Variants in SERBP1 observed in about 807,000 individuals in gnomAD.
The protein encoded by SERBP1 is SERPINE1 mRNA-binding protein 1.
In SERBP1, 6 loss-of-function variants were observed where a neutral mutation model predicts 50.2. That is an observed-to-expected ratio of 0.12 (90% CI 0.07 to 0.24). The LOEUF (loss-of-function observed/expected upper bound fraction) is 0.24, where lower values mean the gene tolerates loss of function less well. Ranked by LOEUF, SERBP1 falls within the 10% of genes least tolerant of loss-of-function variation. The probability of loss-of-function intolerance (pLI) is 1.00; values close to 1 mark genes in which losing one functional copy is unlikely to be tolerated. For missense variants in SERBP1, 346 were observed against 524.9 expected, an observed-to-expected ratio of 0.66 and a Z score of 3.33; for synonymous variants, 168 against 182.8, an observed-to-expected ratio of 0.92 and a Z score of 0.65.
chr1:67,430,116 T>C lies in SERBP1; in HGVS notation c.185A>G (p.Asn62Ser), dbSNP rs751471163. The change falls in exon 1 of 8, where the codon AAC becomes AGC. Residue 62 changes from asparagine to serine, a missense_variant. This residue lies in a region of SERBP1 where 257 missense variants were observed against 331.2 expected (regional missense o/e 0.78). Coordinates refer to ENST00000361219, the MANE Select transcript of SERBP1 (RefSeq NM_001018069.2). ...CAGCTGTTTGCCTGCCGCGTTGGAGTTGGTCTGGGCCGCGGCCTGAGCTGC... is the reference window on the plus strand; with the variant it reads ...CAGCTGTTTGCCTGCCGCGTTGGAGCTGGTCTGGGCCGCGGCCTGAGCTGC... ...KSAAQAAAQT[N>S]SNAAGKQLRK... The C allele has an allele frequency of 1.1e-5, 17 of 1,612,092 alleles. No homozygotes were observed. The highest frequency in any genetic ancestry group is 1.7e-5 in the Admixed American group (1 of 60,000).
chr1:67,419,514 T>C (rs937417123), intron 6 of SERBP1, among the ~76,000 whole-genome samples: 1 of 152,198 alleles, frequency 6.6e-6, no homozygotes, highest in African/African-American at 2.4e-5. Context: ...TTAGACAAAA[T>C]GCACATTGCC....
chr1:67,415,517 A>T (rs1433561580), intron 6 of SERBP1, among the ~76,000 whole-genome samples, 178 bp from the exon 7 acceptor site: 1 of 152,220 alleles, frequency 6.6e-6, no homozygotes, highest in Admixed American at 6.5e-5. Context: ...TCCTGGAGGA[A>T]GATTTTCCTG....
intron 6 of SERBP1, among the ~76,000 whole-genome samples, chr1:67,416,000 G>C (rs930510967): frequency 2.0e-5 from 3 of 147,136 alleles, no homozygotes; most frequent in African/African-American, 7.5e-5. Context: ...CCTTAAATGT[G>C]TCACAGGAAC....
At position 67,425,354 on chromosome 1, in the gene SERBP1, A is replaced by C. The variant is rs112821654; in HGVS notation, c.465-131T>G. The C allele has an allele frequency of 1.2e-3, 987 of 822,866 alleles. 5 individuals are homozygous for C. In the African/African-American group the frequency reaches 0.015, roughly 13 times the overall value. 51.0% of individuals were successfully genotyped at this position (822,866 alleles called of 1,614,324 possible). ...AATAGTTAAATACATACACTTCAGAAAATTCAAAATAGTCTGTTTCTAAAC... is the reference window on the plus strand; with the variant it reads ...AATAGTTAAATACATACACTTCAGACAATTCAAAATAGTCTGTTTCTAAAC... On this transcript the variant is annotated intron_variant, in intron 2 of 7. Transcript: ENST00000361219.
At position 67,409,468 on chromosome 1, in the gene SERBP1, A is replaced by T. The variant is rs1297949585; in HGVS notation, c.*3739T>A. 1 of 151,386 alleles carries T rather than the reference A, an allele frequency of 6.6e-6. No individual in the cohort carries two copies. Among genetic ancestry groups the T allele is most frequent in the Non-Finnish European group, 1.5e-5 (1 of 67,994 alleles). 9.4% of individuals were successfully genotyped at this position (151,386 alleles called of 1,614,324 possible). On this transcript the variant is annotated 3_prime_UTR_variant, in exon 8 of 8. Coordinates refer to ENST00000361219, the MANE Select transcript of SERBP1 (RefSeq NM_001018069.2). ...GCTGAACTTTGCTGACCCCTGGCTT[A>T]CATACAGCATCTCATTTAAATGGCG... is the stretch of plus-strand genomic sequence containing the variant.
intron 5 of SERBP1, among the ~76,000 whole-genome samples, chr1:67,421,589 C>G (rs1320664404): frequency 2.6e-5 from 4 of 152,196 alleles, no homozygotes; most frequent in African/African-American, 9.7e-5. Flanking sequence ...AATAGCCTAT[C>G]AATACATTAG....
At chr1:67,421,203 G>A (rs1251779713) in intron 5 of SERBP1, among the ~76,000 whole-genome samples, 1 of 151,864 alleles carries the variant, frequency 6.6e-6, no homozygotes. Context: ...CTTGGGTACT[G>A]AGTCCACCTA....
At chr1:67,420,365 C>T (rs1667161499) in intron 5 of SERBP1, 179 bp from the exon 6 acceptor site, 1 of 535,352 alleles carries the variant, frequency 1.9e-6, no homozygotes, top group Non-Finnish European at 3.3e-6. Context: ...ACCAGGAATT[C>T]AGTGTTTGCT....
rs760614021 is a variant in SERBP1 at position 67,412,273 on chromosome 1, ATTT to A, written c.*931_*933del. 2.6e-5 allele frequency: 4 copies of A among 152,644 alleles called. No individual in the cohort carries two copies. The highest frequency in any genetic ancestry group is 5.9e-5 in the Non-Finnish European group (4 of 68,024). The allele number at this position is 152,644 out of a possible 1,614,324, so 9.5% of individuals were successfully genotyped here. A position where few individuals can be genotyped will look rare whatever the true frequency, so the allele number is the denominator to read the frequency against. ...AATCATACCAAATGGCCAGACACTT[ATTT>A]TACAGAACAGTTTAAATATTACACA... is the stretch of plus-strand genomic sequence containing the variant. On this transcript the variant is annotated 3_prime_UTR_variant, in exon 8 of 8. Coordinates refer to ENST00000361219, the MANE Select transcript of SERBP1 (RefSeq NM_001018069.2).
chr1:67,415,185 C>T lies in SERBP1; in HGVS notation c.1106G>A (p.Arg369His), dbSNP rs1161015099. The T allele has an allele frequency of 4.4e-6, 7 of 1,595,276 alleles. No individual in the cohort carries two copies. Among genetic ancestry groups the T allele is most frequent in the East Asian group, 2.2e-5 (1 of 44,544 alleles). ...AATTACCTTGTCGGTCCTGCTGCCACGGTTTGGGCGCCCACCACGCCCACG... is the reference window on the plus strand; with the variant it reads ...AATTACCTTGTCGGTCCTGCTGCCATGGTTTGGGCGCCCACCACGCCCACG... Reference protein sequence around the residue: ...GGRGRGGRPNRGSRTDKSSAS... With the variant: ...GGRGRGGRPNHGSRTDKSSAS... The change falls in exon 7 of 8, where the codon CGT becomes CAT. Residue 369 changes from arginine (R) to histidine (H), a missense_variant. By Grantham distance (29) the Arg-to-His change is conservative. Coordinates refer to ENST00000361219, the MANE Select transcript of SERBP1 (RefSeq NM_001018069.2).
intron 2 of SERBP1, among the ~76,000 whole-genome samples, chr1:67,425,512 A>G (rs935576015): frequency 6.6e-6 from 1 of 152,256 alleles, no homozygotes; most frequent in South Asian, 2.1e-4. Flanking sequence ...ACTATTTACC[A>G]ATACACTTAA....
chr1:67,428,688 C>T (rs530104382), intron 1 of SERBP1, among the ~76,000 whole-genome samples: 1 of 149,268 alleles, frequency 6.7e-6, no homozygotes, highest in East Asian at 1.9e-4. Flanking sequence ...TTCTTTTATT[C>T]ACCACCTAGG....
intron 6 of SERBP1, among the ~76,000 whole-genome samples, chr1:67,418,060 C>T (rs1667081404): frequency 7.3e-6 from 1 of 137,672 alleles, no homozygotes; most frequent in Non-Finnish European, 1.5e-5. Context: ...ACTGCAACCT[C>T]TGCCTCCTGT....
chr1:67,421,510 G>A (rs1667196335), intron 5 of SERBP1, among the ~76,000 whole-genome samples: 1 of 152,204 alleles, frequency 6.6e-6, no homozygotes, highest in South Asian at 2.1e-4. Context: ...TAATGTGATG[G>A]ATAATTATTT....
chr1:67,420,332 T>A (rs987787367), intron 5 of SERBP1, 146 bp from the exon 6 acceptor site: 6 of 675,782 alleles, frequency 8.9e-6, no homozygotes, highest in African/African-American at 5.6e-5. Context: ...TAGTTTCCTA[T>A]GTAACTAAGC....
At chr1:67,426,391 G>A (rs998875201) in intron 1 of SERBP1, 106 bp from the exon 2 acceptor site, 2 of 1,202,720 alleles carry the variant, frequency 1.7e-6, no homozygotes, top group Non-Finnish European at 2.2e-6. Flanking sequence ...ACCATTTCCT[G>A]TTGGAAAAAA....
rs58574693 is a variant in SERBP1 at position 67,425,227 on chromosome 1, T to C, written c.465-4A>G. 3.2e-4 allele frequency: 500 copies of C among 1,582,848 alleles called. 1 individual carries two copies. In the African/African-American group the frequency reaches 4.9e-3, roughly 15 times the overall value. On this transcript the variant is annotated splice_region_variant and splice_polypyrimidine_tract_variant and intron_variant, in intron 2 of 7. Transcript: ENST00000361219. ...AATAGGTCGGTCAATAATCGGTCTA[T>C]AATATAAACAAATAAATTATACTTC...
intron 5 of SERBP1, 35 bp downstream of exon 5, chr1:67,424,165 T>C: frequency 6.4e-7 from 1 of 1,572,528 alleles, no homozygotes; most frequent in Non-Finnish European, 8.6e-7. Context: ...TGCTTTCAAT[T>C]CTGGGTCATT....
intron 6 of SERBP1, among the ~76,000 whole-genome samples, chr1:67,418,380 TA>T (rs1667094589): frequency 2.0e-5 from 3 of 152,152 alleles, no homozygotes; most frequent in Admixed American, 6.5e-5. Context: ...TCTCTAAACC[TA>T]AAAAAACTTT....
Sources: gnomAD v4.1 joint callset for allele counts (sites outside exome capture counted in the v4.1 genomes callset) on GRCh38, gnomAD v4.1.1 for gene constraint, gnomAD v4.1.1 regional missense constraint, MANE v1.5 for transcripts, NCBI Gene and HGNC (gene_info 2026-07-23, HGNC 2026-07-21) for gene names.